Variants in PRDM1 observed in about 807,000 individuals in gnomAD.
PRDM1 encodes the protein PR/SET domain 1.
In PRDM1, 13 loss-of-function variants were observed where a neutral mutation model predicts 62.8. The ratio of observed to expected loss-of-function variants is 0.21; its 90% CI spans 0.13 to 0.33. PRDM1 has a LOEUF of 0.33. PRDM1 is among the 10% of genes least tolerant of loss of function. PRDM1 has a pLI of 1.00. For missense variants in PRDM1, 895 were observed against 1,058.8 expected (o/e 0.85, Z 2.15); for synonymous variants, 396 against 417.6 (o/e 0.95, Z 0.63).
Position 106,105,650 on chromosome 6 carries a change from C to A in PRDM1, c.1490C>A (p.Ser497Tyr). The A allele has an allele frequency of 6.2e-7, 1 of 1,612,764 alleles. No individual in the cohort carries two copies. The highest frequency in any genetic ancestry group is 8.5e-7 in the Non-Finnish European group (1 of 1,179,044). ...GTCCCGGCGCCCCACAGTGCCTTCT[C>A]CTTTACCGGGGCCGCCGCCAGCATG... ...VLVPAPHSAF[S>Y]FTGAAASMKD... is the part of the protein sequence containing the mutation. The change falls in exon 5 of 7, where the codon TCC becomes TAC. Residue 497 changes from serine (S) to tyrosine (Y), a missense_variant. Transcript: ENST00000369096.
intron 1 of PRDM1, among the ~76,000 whole-genome samples, chr6:105,993,974 G>A (rs928979971): frequency 2.6e-5 from 4 of 152,248 alleles, no homozygotes; most frequent in African/African-American, 9.6e-5. Context: ...TAATTTGGGG[G>A]AATGTAAGCT....
chr6:106,088,301 T>C lies in PRDM1; in HGVS notation c.143T>C (p.Leu48Pro). ...KMDMEDADMT[L>P]WTEAEFEEKC... ...GACATGGAGGATGCGGATATGACTC[T>C]GTGGACAGAGGCTGAGTTTGAAGAG... The change falls in exon 2 of 7, where the codon CTG (leucine) becomes CCG (proline). Residue 48 changes from leucine (L) to proline (P), a missense_variant. Leu to Pro is a moderately conservative substitution (Grantham distance 98). Coordinates refer to ENST00000369096, the MANE Select transcript of PRDM1 (RefSeq NM_001198.4). 6.2e-7 allele frequency: 1 copy of C among 1,614,134 alleles called. No homozygotes were observed. The highest frequency in any genetic ancestry group is 8.5e-7 in the Non-Finnish European group (1 of 1,180,030).
chr6:106,099,065 T>C (rs764955166), intron 3 of PRDM1: 2 of 1,614,044 alleles, frequency 1.2e-6, no homozygotes, highest in Non-Finnish European at 1.7e-6. Flanking sequence ...TTCCCGAACA[T>C]GAAAAGACGA....
intron 1 of PRDM1, among the ~76,000 whole-genome samples, chr6:106,009,511 A>T (rs1309682355): frequency 6.6e-6 from 1 of 152,178 alleles, no homozygotes; most frequent in African/African-American, 2.4e-5. Context: ...AGTTGCACAT[A>T]TTCAAAGCTA....
At chr6:106,098,546 T>TA (rs1293516232) in intron 3 of PRDM1, 10 of 1,278,892 alleles carry the variant, frequency 7.8e-6, no homozygotes, top group Non-Finnish European at 1.0e-5. Context: ...TCCTCCCAGA[T>TA]AAGGGGTTCC....
At chr6:106,096,641 G>C (rs1039434851) in intron 3 of PRDM1, among the ~76,000 whole-genome samples, 2 of 152,148 alleles carry the variant, frequency 1.3e-5, no homozygotes, top group Non-Finnish European at 2.9e-5. Flanking sequence ...AAGATGATAA[G>C]CTTTCCTATA....
chr6:106,095,705 A>G lies in PRDM1; in HGVS notation c.382A>G (p.Lys128Glu). ...AATCTACACCAATGACACAGTTCCTAAGAACGCCAACAGGAAATATTTTTG... is the reference window on the plus strand; with the variant it reads ...AATCTACACCAATGACACAGTTCCTGAGAACGCCAACAGGAAATATTTTTG... ...GEIYTNDTVPKNANRKYFWRI... is the reference protein window; with the variant it reads ...GEIYTNDTVPENANRKYFWRI... Residue 128 changes from lysine (K) to glutamate (E), a missense_variant, in exon 3 of 7, where the codon AAG (lysine) becomes GAG (glutamate). This residue lies in a region of PRDM1 where 213 missense variants were observed against 283.9 expected (regional missense o/e 0.75). Coordinates refer to ENST00000369096, the MANE Select transcript of PRDM1 (RefSeq NM_001198.4). 6.2e-7 allele frequency: 1 copy of G among 1,614,108 alleles called. No individual in the cohort carries two copies. Among genetic ancestry groups the G allele is most frequent in the Non-Finnish European group, 8.5e-7 (1 of 1,179,980 alleles).
At chr6:106,027,099 A>G (rs1474395446) in intron 1 of PRDM1, among the ~76,000 whole-genome samples, 1 of 152,186 alleles carries the variant, frequency 6.6e-6, no homozygotes, top group African/African-American at 2.4e-5. Flanking sequence ...TATGTGATCT[A>G]TTCGAATCTC....
intron 1 of PRDM1, among the ~76,000 whole-genome samples, chr6:106,073,104 T>A (rs898360112): frequency 1.4e-5 from 2 of 141,752 alleles, no homozygotes; most frequent in East Asian, 4.1e-4. Context: ...TTTCCTCTTT[T>A]CTTTTTTTTT....
chr6:106,095,851 T>G (rs1774101462), intron 3 of PRDM1, 117 bp downstream of exon 3: 3 of 1,124,010 alleles, frequency 2.7e-6, no homozygotes, highest in Non-Finnish European at 2.5e-6. Context: ...CACCCATAAG[T>G]ATCCAGCATC....
intron 1 of PRDM1, among the ~76,000 whole-genome samples, chr6:106,062,866 G>A (rs898471353): frequency 1.3e-5 from 2 of 152,052 alleles, no homozygotes; most frequent in African/African-American, 4.8e-5. Flanking sequence ...AATCAGTGCT[G>A]GTTTCTGTTT....
At chr6:106,049,181 G>A (rs942590386) in intron 1 of PRDM1, among the ~76,000 whole-genome samples, 17 of 152,170 alleles carry the variant, frequency 1.1e-4, no homozygotes, top group African/African-American at 3.9e-4. Flanking sequence ...AGTATGGTGA[G>A]TATGAGAGAG....
intron 1 of PRDM1, among the ~76,000 whole-genome samples, chr6:106,013,004 A>G (rs12203431): frequency 0.26 from 39,860 of 151,916 alleles, 5,817 homozygotes; most frequent in Non-Finnish European, 0.34. Flanking sequence ...CTCGTGCCTC[A>G]GTCTCTCCAG....
upstream of PRDM1, among the ~76,000 whole-genome samples, chr6:106,082,277 T>C (rs969120386): frequency 2.0e-5 from 3 of 152,232 alleles, no homozygotes; most frequent in Non-Finnish European, 4.4e-5. Context: ...TCTCCTGTTC[T>C]TTCCCACAGA....
intron 1 of PRDM1, among the ~76,000 whole-genome samples, chr6:106,030,567 G>A (rs368728849): frequency 5.3e-5 from 8 of 151,950 alleles, no homozygotes; most frequent in Admixed American, 1.3e-4. Context: ...CTTTTTTGAC[G>A]GGGGTGGGGG....
intron 1 of PRDM1, among the ~76,000 whole-genome samples, chr6:106,029,209 G>A (rs567418356): frequency 6.6e-6 from 1 of 152,250 alleles, no homozygotes; most frequent in East Asian, 1.9e-4. Flanking sequence ...ATGAGCCACT[G>A]CACCCGGCCT....
chr6:106,053,516 T>C, intron 1 of PRDM1, among the ~76,000 whole-genome samples: 1 of 152,288 alleles, frequency 6.6e-6, no homozygotes, highest in South Asian at 2.1e-4. Context: ...CTATTATGTA[T>C]TCTAATAGAA....
At chr6:106,080,405 GC>G (rs887440794) in intron 1 of PRDM1, among the ~76,000 whole-genome samples, 1 of 151,992 alleles carries the variant, frequency 6.6e-6, no homozygotes, top group South Asian at 2.1e-4. Flanking sequence ...TCTGTTCCAC[GC>G]CCCCCACCGC....
chr6:106,021,613 A>G (rs191760866), intron 1 of PRDM1, among the ~76,000 whole-genome samples: 7 of 152,224 alleles, frequency 4.6e-5, no homozygotes, highest in Non-Finnish European at 1.0e-4. Flanking sequence ...TCAAAGTGAA[A>G]TGTTTATTTA....
Sources: allele counts gnomAD v4.1 joint callset (sites outside exome capture counted in the v4.1 genomes callset), GRCh38; gene constraint gnomAD v4.1.1; regional missense constraint gnomAD v4.1.1; transcripts MANE v1.5; gene names NCBI Gene and HGNC (gene_info 2026-07-23, HGNC 2026-07-21).